STXBP5L: variants seen among roughly 807,000 people sequenced by gnomAD.
STXBP5L encodes the protein syntaxin binding protein 5L.
In STXBP5L, 65 loss-of-function variants were observed where a neutral mutation model predicts 144.5. The ratio of observed to expected loss-of-function variants is 0.45; its 90% CI spans 0.37 to 0.55. STXBP5L has a LOEUF of 0.55. Ranked by LOEUF, STXBP5L falls within the 20% of genes least tolerant of loss-of-function variation. STXBP5L has a pLI of 0.00. For missense variants in STXBP5L, 1,298 were observed against 1,405.5 expected (o/e 0.92, Z 1.22); for synonymous variants, 505 against 469.6 (o/e 1.08, Z -0.97).
Position 120,991,985 on chromosome 3 carries a change from C to T in STXBP5L, c.287+36948C>T, listed in dbSNP as rs138343371. ...ATAAAAAAAATCCATATAGTGATTGCTGCTTTTTAAAAAAATTAATATTTA... is the reference window on the plus strand; with the variant it reads ...ATAAAAAAAATCCATATAGTGATTGTTGCTTTTTAAAAAAATTAATATTTA... On this transcript the variant is annotated intron_variant, in intron 3 of 26. Coordinates refer to ENST00000471454, the MANE Select transcript of STXBP5L (RefSeq NM_001308330.2). Among the ~76,000 whole-genome samples the T allele has an allele frequency of 2.0e-4, 30 of 152,084 alleles. No individual in the cohort carries two copies. In the East Asian group the frequency reaches 5.8e-3, roughly 29 times the overall value.
chr3:121,394,479 G>T (rs1299879435), intron 22 of STXBP5L, among the ~76,000 whole-genome samples: 1 of 150,228 alleles, frequency 6.7e-6, no homozygotes, highest in Non-Finnish European at 1.5e-5. Flanking sequence ...TCCTTATCTT[G>T]TTCCAGTTTT....
At chr3:121,311,471 T>C (rs1451992856) in intron 19 of STXBP5L, among the ~76,000 whole-genome samples, 1 of 152,218 alleles carries the variant, frequency 6.6e-6, no homozygotes, top group Non-Finnish European at 1.5e-5. Flanking sequence ...AATGATTTGA[T>C]AAATTTTTAA....
chr3:121,379,241 G>A (rs1016804878), intron 21 of STXBP5L, among the ~76,000 whole-genome samples: 1 of 152,182 alleles, frequency 6.6e-6, no homozygotes, highest in South Asian at 2.1e-4. Flanking sequence ...TTAATGTATT[G>A]CAACCTTAAT....
intron 3 of STXBP5L, among the ~76,000 whole-genome samples, chr3:120,986,283 T>C (rs1942278940): frequency 6.6e-6 from 1 of 151,958 alleles, no homozygotes; most frequent in Admixed American, 6.6e-5. Context: ...TGAAATCTAG[T>C]GAGACTTAAT....
chr3:121,000,705 C>T (rs1258305670), intron 3 of STXBP5L, among the ~76,000 whole-genome samples: 2 of 152,166 alleles, frequency 1.3e-5, no homozygotes, highest in Admixed American at 6.5e-5. Context: ...TTTACAGTTG[C>T]CAGAGGTCTT....
rs180789834 is a variant in STXBP5L at position 121,222,079 on chromosome 3, A to G, written c.957-924A>G. Among the ~76,000 whole-genome samples, 162 of 152,200 alleles carry G rather than the reference A, an allele frequency of 1.1e-3. 1 individual carries two copies. The highest frequency in any genetic ancestry group is 4.3e-4 in the Non-Finnish European group (29 of 67,946). On this transcript the variant is annotated intron_variant, in intron 10 of 26. Coordinates refer to ENST00000471454, the MANE Select transcript of STXBP5L (RefSeq NM_001308330.2). ...GCATTATATTCTCAAATAATTTGATACAATAAAAGCCTCTAGGTCTTTAAA... is the reference window on the plus strand; with the variant it reads ...GCATTATATTCTCAAATAATTTGATGCAATAAAAGCCTCTAGGTCTTTAAA...
Position 121,279,921 on chromosome 3 carries a change from C to G in STXBP5L, c.2075C>G (p.Pro692Arg), listed in dbSNP as rs2051001483. The part of the protein sequence containing the change: ...YRSSDLYQRQ[P>R]RSPRKNKQFI... ...TCAAGTGACTTATACCAGCGACAAC[C>G]ACGGTCTCCTCGAAAAAACAAACAG... Residue 692 changes from proline (P) to arginine (R), a missense_variant, in exon 19 of 27, where the codon CCA (proline) becomes CGA (arginine). By Grantham distance (103) the Pro-to-Arg change is moderately radical (BLOSUM62 -2). Transcript: ENST00000471454. The G allele has an allele frequency of 6.2e-7, 1 of 1,612,154 alleles. No homozygotes were observed. The highest frequency in any genetic ancestry group is 1.3e-5 in the African/African-American group (1 of 74,802).
intron 3 of STXBP5L, among the ~76,000 whole-genome samples, chr3:121,019,740 G>T (rs774780993): frequency 6.6e-6 from 1 of 152,130 alleles, no homozygotes; most frequent in Non-Finnish European, 1.5e-5. Flanking sequence ...CCACATTAAG[G>T]GATCACTCCA....
At chr3:121,186,445 C>G (rs1398440538) in intron 9 of STXBP5L, among the ~76,000 whole-genome samples, 1 of 152,058 alleles carries the variant, frequency 6.6e-6, no homozygotes, top group East Asian at 1.9e-4. Flanking sequence ...TTAGGTAGCT[C>G]TGATTATTTT....
At chr3:121,208,648 G>A (rs2048432873) in intron 10 of STXBP5L, among the ~76,000 whole-genome samples, 1 of 151,864 alleles carries the variant, frequency 6.6e-6, no homozygotes, top group East Asian at 1.9e-4. Flanking sequence ...GAGTTTTCAG[G>A]TTCAACATTA....
intron 18 of STXBP5L, among the ~76,000 whole-genome samples, chr3:121,269,470 C>A (rs1308602451): frequency 6.6e-6 from 1 of 151,800 alleles, no homozygotes; most frequent in South Asian, 2.1e-4. Flanking sequence ...AAATAGTCCT[C>A]TGGGTCAGAA....
intron 3 of STXBP5L, among the ~76,000 whole-genome samples, chr3:121,007,092 G>T (rs1944381851): frequency 6.6e-6 from 1 of 151,920 alleles, no homozygotes. Context: ...TTTGAATATT[G>T]GCCTGTCTTG....
At chr3:121,225,386 G>A (rs1258341754) in intron 11 of STXBP5L, among the ~76,000 whole-genome samples, 1 of 152,030 alleles carries the variant, frequency 6.6e-6, no homozygotes, top group African/African-American at 2.4e-5. Context: ...GAGAATTAGG[G>A]TAAAAGCCAT....
intron 2 of STXBP5L, among the ~76,000 whole-genome samples, chr3:120,914,551 T>C (rs1709009970): frequency 6.6e-6 from 1 of 152,088 alleles, no homozygotes; most frequent in Non-Finnish European, 1.5e-5. Flanking sequence ...GGAGATTAAA[T>C]GCCCAGATAT....
chr3:121,018,882 G>T (rs1384329191), intron 3 of STXBP5L, among the ~76,000 whole-genome samples: 1 of 152,220 alleles, frequency 6.6e-6, no homozygotes, highest in Non-Finnish European at 1.5e-5. Context: ...CAGACCCTTT[G>T]AAGGAGGTGG....
intron 3 of STXBP5L, among the ~76,000 whole-genome samples, chr3:121,012,502 T>A (rs1375173251): frequency 6.6e-6 from 1 of 151,738 alleles, no homozygotes; most frequent in Admixed American, 6.6e-5. Flanking sequence ...CTATTGTTTA[T>A]TTTTTTGAAT....
At chr3:121,295,711 G>A (rs1330795940) in intron 19 of STXBP5L, among the ~76,000 whole-genome samples, 2 of 152,196 alleles carry the variant, frequency 1.3e-5, no homozygotes, top group South Asian at 2.1e-4. Flanking sequence ...TGAACTTTTT[G>A]ATTGTCACAA....
At chr3:121,349,786 CT>C (rs778064998) in intron 20 of STXBP5L, among the ~76,000 whole-genome samples, 2 of 151,542 alleles carry the variant, frequency 1.3e-5, no homozygotes, top group East Asian at 1.9e-4. Context: ...CAACCCCTGC[CT>C]TTTTTTTGTT....
chr3:121,036,004 A>G (rs566213573), intron 3 of STXBP5L, among the ~76,000 whole-genome samples: 2 of 152,168 alleles, frequency 1.3e-5, no homozygotes, highest in South Asian at 4.1e-4. Context: ...TTAATATATA[A>G]TTGGTCTTTG....
Sources: gnomAD v4.1 joint callset for allele counts (sites outside exome capture counted in the v4.1 genomes callset) on GRCh38, gnomAD v4.1.1 for gene constraint, MANE v1.5 for transcripts, NCBI Gene and HGNC (gene_info 2026-07-23, HGNC 2026-07-21) for gene names.